The following ZBTB8A variants were observed in gnomAD, a reference collection of about 807,000 sequenced individuals.
ZBTB8A encodes zinc finger and BTB domain containing 8A.
In ZBTB8A, 19 loss-of-function variants were observed where a neutral mutation model predicts 37.8. The observed-to-expected ratio is 0.50, with a 90% CI of 0.35 to 0.74. The LOEUF (loss-of-function observed/expected upper bound fraction) is 0.74, where lower values mean the gene tolerates loss of function less well. ZBTB8A is among the 30% of genes least tolerant of loss of function. ZBTB8A has a pLI of 0.01. For synonymous variants in ZBTB8A, 181 were observed against 185.2 expected (o/e 0.98, Z 0.19); for missense variants, 394 against 537.8 (o/e 0.73, Z 2.65).
chr1:32,550,680 C>G (rs1011085705), intron 1 of ZBTB8A, among the ~76,000 whole-genome samples: 3 of 151,950 alleles, frequency 2.0e-5, no homozygotes, highest in African/African-American at 7.3e-5. Context: ...CAAATTAGGC[C>G]AGGCGTGTTG....
intron 2 of ZBTB8A, among the ~76,000 whole-genome samples, chr1:32,577,165 T>C (rs1644366904): frequency 6.6e-6 from 1 of 151,606 alleles, no homozygotes; most frequent in African/African-American, 2.4e-5. Flanking sequence ...TGAGCCACCA[T>C]GCCTGGCCTT....
At chr1:32,598,441 T>G (rs1278612217) in intron 4 of ZBTB8A, among the ~76,000 whole-genome samples, 4 of 151,822 alleles carry the variant, frequency 2.6e-5, no homozygotes, top group Non-Finnish European at 5.9e-5. Context: ...TTTACCATAT[T>G]GGCCAGGCTG....
At chr1:32,585,251 C>T (rs966466769) in intron 2 of ZBTB8A, among the ~76,000 whole-genome samples, 9 of 151,178 alleles carry the variant, frequency 6.0e-5, no homozygotes, top group East Asian at 2.0e-4. Context: ...TGGGCTCAAG[C>T]GATTCTCCCA....
chr1:32,563,570 C>T (rs990632449), intron 2 of ZBTB8A, among the ~76,000 whole-genome samples: 2 of 152,108 alleles, frequency 1.3e-5, no homozygotes, highest in African/African-American at 2.4e-5. Context: ...TCAAGCAATT[C>T]TCTTGCCTTA....
intron 2 of ZBTB8A, among the ~76,000 whole-genome samples, chr1:32,562,121 GTTT>G (rs770827959): frequency 7.7e-6 from 1 of 129,906 alleles, no homozygotes. Flanking sequence ...ATTTTTGTTT[GTTT>G]TTTTTTTTTT....
intron 1 of ZBTB8A, among the ~76,000 whole-genome samples, chr1:32,548,082 G>A (rs1250111843): frequency 6.3e-5 from 9 of 142,154 alleles, no homozygotes; most frequent in African/African-American, 1.8e-4. Context: ...GCAGTGAGCC[G>A]AGATTGCACC....
At chr1:32,583,907 C>T (rs1460220017) in intron 2 of ZBTB8A, among the ~76,000 whole-genome samples, 4 of 152,112 alleles carry the variant, frequency 2.6e-5, no homozygotes, top group Admixed American at 2.0e-4. Context: ...CCATGCCTGG[C>T]TCCTTTTCGT....
chr1:32,571,913 G>T (rs1390311962), intron 2 of ZBTB8A, among the ~76,000 whole-genome samples: 1 of 150,630 alleles, frequency 6.6e-6, no homozygotes, highest in African/African-American at 2.4e-5. Context: ...TTTTTTGTTT[G>T]TTTTTTTTGA....
At chr1:32,546,011 G>T (rs1379916637) in intron 1 of ZBTB8A, among the ~76,000 whole-genome samples, 1 of 152,138 alleles carries the variant, frequency 6.6e-6, no homozygotes, top group African/African-American at 2.4e-5. Flanking sequence ...GCTTGAAAGT[G>T]AGCACTGACC....
chr1:32,569,486 C>T (rs1385565055), intron 2 of ZBTB8A, among the ~76,000 whole-genome samples: 3 of 150,400 alleles, frequency 2.0e-5, no homozygotes, highest in Non-Finnish European at 4.4e-5. Context: ...CTCTGCCTCC[C>T]GAGTTCACGC....
At chr1:32,581,361 T>TA (rs958650154) in intron 2 of ZBTB8A, among the ~76,000 whole-genome samples, 28 of 132,808 alleles carry the variant, frequency 2.1e-4, no homozygotes, top group African/African-American at 7.7e-4. Flanking sequence ...TATATATATA[T>TA]TTTTTTTGAG....
rs888602671 is a variant in ZBTB8A at position 32,589,385 on chromosome 1, G to A, written c.-1-3546G>A. On this transcript the variant is annotated intron_variant, in intron 2 of 4. Coordinates refer to ENST00000373510, the MANE Select transcript of ZBTB8A (RefSeq NM_001040441.3). The stretch of plus-strand genomic sequence containing the variant: ...CCTGCCTCAGCCTCCTGAGTAGCTC[G>A]GATTACAGGCACCTGCCACCACACC... Among the ~76,000 whole-genome samples, 5 of 151,656 alleles carry A rather than the reference G, an allele frequency of 3.3e-5. 1 individual carries two copies. Among genetic ancestry groups the A allele is most frequent in the East Asian group, 1.9e-4 (1 of 5,162 alleles).
At position 32,605,473 on chromosome 1, in the gene ZBTB8A, G is replaced by A. The variant is rs929212901; in HGVS notation, c.*5054G>A. Reference sequence around the variant, plus strand: ...AATCCCAGCACTTTGGGAGGCCAAGGCGGGTGGATCACTTTAGGTCAAGAG... The same window carrying A: ...AATCCCAGCACTTTGGGAGGCCAAGACGGGTGGATCACTTTAGGTCAAGAG... On this transcript the variant is annotated 3_prime_UTR_variant, in exon 5 of 5. Transcript: ENST00000373510. 1.3e-5 allele frequency: 2 copies of A among 151,964 alleles called. No homozygotes were observed. Among genetic ancestry groups the A allele is most frequent in the African/African-American group, 4.8e-5 (2 of 41,336 alleles). The allele number at this position is 151,964 out of a possible 1,614,324, so 9.4% of individuals were successfully genotyped here.
intron 2 of ZBTB8A, among the ~76,000 whole-genome samples, chr1:32,555,499 G>A (rs1207227965): frequency 6.6e-6 from 1 of 152,102 alleles, no homozygotes; most frequent in Admixed American, 6.6e-5. Flanking sequence ...CCCCTGTACT[G>A]CATCTGTCTT....
Position 32,565,166 on chromosome 1 carries a change from A to G in ZBTB8A, c.-2+11626A>G, listed in dbSNP as rs111378162. Among the ~76,000 whole-genome samples, 770 of 152,120 alleles carry G rather than the reference A, an allele frequency of 5.1e-3. 11 individuals carry two copies. Among genetic ancestry groups the G allele is most frequent in the East Asian group, 0.043 (223 of 5,156 alleles). On this transcript the variant is annotated intron_variant, in intron 2 of 4. Coordinates refer to ENST00000373510, the MANE Select transcript of ZBTB8A (RefSeq NM_001040441.3). Reference sequence around the variant, plus strand: ...TAAGGTGGCAAAACCCCATCTTTACAAAAAAACACAAACATTAACCAGGCA... The same window carrying G: ...TAAGGTGGCAAAACCCCATCTTTACGAAAAAACACAAACATTAACCAGGCA...
intron 2 of ZBTB8A, among the ~76,000 whole-genome samples, chr1:32,579,859 G>T (rs558809141): frequency 5.9e-5 from 9 of 152,178 alleles, no homozygotes; most frequent in African/African-American, 1.4e-4. Context: ...CATGTGAAAA[G>T]AATTTTACTT....
intron 2 of ZBTB8A, among the ~76,000 whole-genome samples, chr1:32,559,233 T>A (rs1231415420): frequency 1.3e-5 from 2 of 151,270 alleles, no homozygotes; most frequent in African/African-American, 4.9e-5. Context: ...TGCCTCAGCC[T>A]CCCTAGTAGC....
intron 2 of ZBTB8A, among the ~76,000 whole-genome samples, chr1:32,588,271 G>A (rs908316030): frequency 1.1e-4 from 16 of 152,054 alleles, no homozygotes; most frequent in African/African-American, 3.9e-4. Context: ...GATGCCTTAT[G>A]GGACCGAGCC....
intron 2 of ZBTB8A, among the ~76,000 whole-genome samples, chr1:32,565,776 T>A (rs1275043422): frequency 6.6e-6 from 1 of 152,218 alleles, no homozygotes; most frequent in Non-Finnish European, 1.5e-5. Context: ...CAACAAATAC[T>A]GACTGAGCAT....
Sources: allele counts gnomAD v4.1 joint callset (sites outside exome capture counted in the v4.1 genomes callset), GRCh38; gene constraint gnomAD v4.1.1; transcripts MANE v1.5; gene names NCBI Gene and HGNC (gene_info 2026-07-23, HGNC 2026-07-21).